ARMCX4: variants seen among roughly 807,000 people sequenced by gnomAD.
ARMCX4 encodes the protein armadillo repeat containing X-linked 4.
Under a neutral mutation model 34.7 loss-of-function variants are expected in ARMCX4, and 3 were observed. That is an observed-to-expected ratio of 0.09 (90% CI 0.04 to 0.22). ARMCX4 has a LOEUF of 0.22. Ranked by LOEUF, ARMCX4 falls within the 10% of genes least tolerant of loss-of-function variation. ARMCX4 has a pLI of 1.00. For missense variants in ARMCX4, 1,448 were observed against 1,720.8 expected (o/e 0.84, Z 2.81); for synonymous variants, 513 against 632.8 (o/e 0.81, Z 2.84).
Position 101,456,561 on chromosome X carries a change from T to C in ARMCX4, c.-473+10517T>C, listed in dbSNP as rs371052697. Reference sequence around the variant, plus strand: ...AAGTACTATAGATATGTACTTCTTTTTATTGTGGGCTTTTTCAAACCTACA... The same window carrying C: ...AAGTACTATAGATATGTACTTCTTTCTATTGTGGGCTTTTTCAAACCTACA... On this transcript the variant is annotated intron_variant and NMD_transcript_variant, in intron 4 of 15. Coordinates refer to the ARMCX4 transcript ENST00000433011. Among the ~76,000 whole-genome samples the C allele has an allele frequency of 1.2e-4, 13 of 111,446 alleles. No individual in the cohort carries two copies. The East Asian group carries it at 3.6e-3, about 31-fold the overall frequency.
intron 11 of ARMCX4, among the ~76,000 whole-genome samples, chrX:101,529,425 A>C (rs1361344800): frequency 8.9e-6 from 1 of 112,140 alleles, no homozygotes; most frequent in African/African-American, 3.2e-5. Flanking sequence ...AGGCATAGTC[A>C]AGGACTTCAT....
chrX:101,443,927 A>G, intron 2 of ARMCX4: 1 of 380,198 alleles, frequency 2.6e-6, no homozygotes, highest in Non-Finnish European at 5.1e-6. Context: ...CTCATCATCA[A>G]ATTTCTCCCC....
At chrX:101,474,978 G>A (rs1425252867) in intron 4 of ARMCX4, among the ~76,000 whole-genome samples, 2 of 93,131 alleles carry the variant, frequency 2.1e-5, no homozygotes, top group African/African-American at 8.9e-5. Context: ...GGCAGGAGAA[G>A]GAAGAAAAAA....
At chrX:101,479,348 A>T (rs1933341124) in intron 4 of ARMCX4, among the ~76,000 whole-genome samples, 1 of 101,426 alleles carries the variant, frequency 9.9e-6, no homozygotes, top group African/African-American at 3.9e-5. Context: ...ACACACACAC[A>T]CACACACGAA....
chrX:101,498,220 C>A (rs1175543694), downstream of ARMCX4: 15 of 326,028 alleles, frequency 4.6e-5, no homozygotes, highest in Admixed American at 4.8e-4. Context: ...TCCTGGGAAG[C>A]CAACCTGCAA....
intron 2 of ARMCX4, 137 bp downstream of exon 2, chrX:101,486,229 C>T (rs1005634371): frequency 9.0e-6 from 1 of 111,113 alleles, no homozygotes; most frequent in African/African-American, 3.3e-5. Context: ...ATTTTACTTA[C>T]CAAGCTTAGG....
Position 101,462,638 on chromosome X carries a change from C to CAA in ARMCX4, c.-473+16610_-473+16611dup, listed in dbSNP as rs34826497. ...CTGGCGACAGAGTGAGACTCTGTCT[C>CAA]AAAAAAAAAAAAAAAAAGATAAAAA... On this transcript the variant is annotated intron_variant and NMD_transcript_variant, in intron 4 of 15. Transcript: ENST00000433011. Among the ~76,000 whole-genome samples the CAA allele has an allele frequency of 7.4e-4, 30 of 40,639 alleles. 1 individual carries two copies. Among genetic ancestry groups the CAA allele is most frequent in the East Asian group, 2.2e-3 (3 of 1,354 alleles). The allele number at this position is 40,639 out of a possible 115,157, so 35.3% of individuals were successfully genotyped here. A position where few individuals can be genotyped will look rare whatever the true frequency, so the allele number is the denominator to read the frequency against.
chrX:101,526,787 C>G (rs1213050496), intron 11 of ARMCX4, among the ~76,000 whole-genome samples: 3 of 111,839 alleles, frequency 2.7e-5, no homozygotes, highest in Non-Finnish European at 3.8e-5. Context: ...GCTAACTATC[C>G]TAAATATATA....
chrX:101,510,489 G>A (rs1461857088), intron 10 of ARMCX4, among the ~76,000 whole-genome samples: 2 of 111,959 alleles, frequency 1.8e-5, no homozygotes, highest in Non-Finnish European at 3.8e-5. Context: ...TGGAGTGGAA[G>A]GGTGAGGGTC....
intron 4 of ARMCX4, among the ~76,000 whole-genome samples, chrX:101,465,990 C>T (rs926051775): frequency 2.7e-5 from 3 of 111,689 alleles, no homozygotes; most frequent in African/African-American, 9.7e-5. Flanking sequence ...AAACCATAAA[C>T]GGTGAATAAA....
intron 4 of ARMCX4, among the ~76,000 whole-genome samples, chrX:101,467,667 T>TG (rs1253793086): frequency 4.8e-4 from 53 of 109,489 alleles, no homozygotes; most frequent in East Asian, 8.6e-4. Flanking sequence ...TATTTCATGG[T>TG]GGGGGGGGGA....
In ARMCX4 at chrX:101,491,782, A is replaced by G; in HGVS notation, c.3193A>G (p.Lys1065Glu). The part of the protein sequence containing the change: ...EATAEDEAYA[K>E]PEAEAMPTSE... The stretch of plus-strand genomic sequence containing the variant: ...CACAGCAGAAGATGAGGCCTATGCA[A>G]AGCCTGAGGCTGAGGCCATGCCCAC... The change falls in exon 6 of 6, where the codon AAG (lysine) becomes GAG (glutamate). Residue 1065 changes from lysine (K) to glutamate (E), a missense_variant. Physicochemically the swap from Lys to Glu is moderately conservative, Grantham distance 56 (BLOSUM62 1). Around this residue, in one of 2 missense-constraint regions of ARMCX4, gnomAD observed 1,343 missense variants for 1,540.7 expected, o/e 0.87. Coordinates refer to ENST00000423738, the MANE Select transcript of ARMCX4 (RefSeq NM_001256155.3). The G allele has an allele frequency of 8.6e-7, 1 of 1,156,516 alleles. No homozygotes were observed. Among genetic ancestry groups the G allele is most frequent in the South Asian group, 1.9e-5 (1 of 52,804 alleles).
intron 2 of ARMCX4, among the ~76,000 whole-genome samples, chrX:101,424,652 A>T (rs976666933): frequency 9.8e-5 from 11 of 112,164 alleles, no homozygotes; most frequent in Non-Finnish European, 2.1e-4. Context: ...CTACAGAAGC[A>T]TTCTATATTA....
chrX:101,453,091 G>A, intron 4 of ARMCX4, among the ~76,000 whole-genome samples: 1 of 110,664 alleles, frequency 9.0e-6, no homozygotes, highest in Middle Eastern at 4.7e-3. Context: ...ACTAGTGAGT[G>A]GAACAGGAAG....
chrX:101,510,979 T>G (rs1934568070), intron 10 of ARMCX4: 1 of 111,633 alleles, frequency 9.0e-6, no homozygotes, highest in Non-Finnish European at 1.9e-5. Context: ...CTTTTCATCC[T>G]TAATATTTTG....
At chrX:101,530,314 T>C (rs782487770) in intron 11 of ARMCX4, among the ~76,000 whole-genome samples, 88 of 110,810 alleles carry the variant, frequency 7.9e-4, no homozygotes, top group Non-Finnish European at 6.6e-4. Context: ...GCGGGGAACA[T>C]CACACACCGG....
At chrX:101,520,440 C>T (rs1934826308) in intron 11 of ARMCX4, among the ~76,000 whole-genome samples, 1 of 111,966 alleles carries the variant, frequency 8.9e-6, no homozygotes, top group South Asian at 3.7e-4. Flanking sequence ...AAGTTCTCTT[C>T]CCTTCCTAGT....
In ARMCX4 at chrX:101,488,608, G is replaced by C; in HGVS notation, c.19G>C (p.Val7Leu). 1 of 1,156,221 alleles carries C rather than the reference G, an allele frequency of 8.6e-7. No individual in the cohort carries two copies. The highest frequency in any genetic ancestry group is 1.8e-5 in the African/African-American group (1 of 56,272). ...TGATTACATGGGCCGCATTCAGGAA[G>C]TGGGCTGGGTGACTGCAGGACTGGT... MGRIQEVGWVTAGLVIW... is the reference protein window; with the variant it reads MGRIQELGWVTAGLVIW... Residue 7 changes from valine to leucine, a missense_variant, in exon 6 of 6, where the codon GTG becomes CTG. By Grantham distance (32) the Val-to-Leu change is conservative (BLOSUM62 1). Coordinates refer to ENST00000423738, the MANE Select transcript of ARMCX4 (RefSeq NM_001256155.3).
chrX:101,445,546 C>T (rs1931572862), intron 3 of ARMCX4, among the ~76,000 whole-genome samples: 1 of 112,172 alleles, frequency 8.9e-6, no homozygotes, highest in African/African-American at 3.2e-5. Flanking sequence ...AGTGTCTTGC[C>T]AGCCTTGTCT....
Sources: gnomAD v4.1 joint callset for allele counts (sites outside exome capture counted in the v4.1 genomes callset) on GRCh38, gnomAD v4.1.1 for gene constraint, gnomAD v4.1.1 regional missense constraint, MANE v1.5 for transcripts, NCBI Gene and HGNC (gene_info 2026-07-23, HGNC 2026-07-21) for gene names.